ATP8A1: variants seen among roughly 807,000 people sequenced by gnomAD.
The protein encoded by ATP8A1 is phospholipid-transporting ATPase IA.
A neutral mutation model predicts 177.7 loss-of-function variants in ATP8A1; 90 were observed. The ratio of observed to expected loss-of-function variants is 0.51; its 90% CI spans 0.43 to 0.60. The LOEUF (loss-of-function observed/expected upper bound fraction) is 0.60. Among genes scored for constraint, ATP8A1 ranks in the 20% least tolerant of loss-of-function variants. ATP8A1 has a pLI of 0.00. For missense variants in ATP8A1, 1,072 were observed against 1,392.8 expected (o/e 0.77, Z 3.67); for synonymous variants, 493 against 485.9 (o/e 1.01, Z -0.19).
chr4:42,500,543 A>G (rs2153192775), intron 24 of ATP8A1, among the ~76,000 whole-genome samples: 1 of 152,242 alleles, frequency 6.6e-6, no homozygotes, highest in South Asian at 2.1e-4. Context: ...TCAACTTTAC[A>G]TGATTCTTAA....
intron 24 of ATP8A1, among the ~76,000 whole-genome samples, chr4:42,498,576 G>A (rs1031757704): frequency 6.6e-6 from 1 of 152,100 alleles, no homozygotes; most frequent in African/African-American, 2.4e-5. Context: ...CAGCTGGTTT[G>A]GGGTCATATT....
Position 42,643,260 on chromosome 4 carries a change from A to T in ATP8A1, c.49+13565T>A, listed in dbSNP as rs548608383. On this transcript the variant is annotated intron_variant, in intron 1 of 36. Coordinates refer to ENST00000381668, the MANE Select transcript of ATP8A1 (RefSeq NM_006095.2). ...TTCTAAAGAATATTCAGAGAAAAGA[A>T]GATGAGGGAAACAGAAGATGGAAAT... Among the ~76,000 whole-genome samples the T allele has an allele frequency of 3.1e-4, 48 of 152,382 alleles. 2 individuals are homozygous for T. In the South Asian group the frequency reaches 9.9e-3, roughly 32 times the overall value.
intron 7 of ATP8A1, among the ~76,000 whole-genome samples, chr4:42,589,636 T>A (rs1005700791): frequency 1.3e-5 from 2 of 152,218 alleles, no homozygotes; most frequent in Non-Finnish European, 2.9e-5. Flanking sequence ...TTTCACTCTA[T>A]AACTTATTCA....
chr4:42,549,534 A>G (rs996028156), intron 18 of ATP8A1, among the ~76,000 whole-genome samples: 4 of 152,150 alleles, frequency 2.6e-5, no homozygotes, highest in Non-Finnish European at 5.9e-5. Context: ...CATGCCTGTA[A>G]TCCCAGTGCT....
chr4:42,445,402 AT>A (rs969757053), intron 31 of ATP8A1, among the ~76,000 whole-genome samples: 10 of 151,076 alleles, frequency 6.6e-5, no homozygotes, highest in East Asian at 3.9e-4. Context: ...TCTTACAGAG[AT>A]TTTTTTTTTC....
chr4:42,466,470 T>C (rs1011347420), intron 25 of ATP8A1, among the ~76,000 whole-genome samples: 6 of 152,366 alleles, frequency 3.9e-5, no homozygotes, highest in Non-Finnish European at 8.8e-5. Flanking sequence ...ACTGCCCTTA[T>C]GAACTGCTTC....
rs369420258 is a variant in ATP8A1 at position 42,610,582 on chromosome 4, C to CAAA, written c.409+5448_409+5450dup. On this transcript the variant is annotated intron_variant, in intron 5 of 36. Transcript: ENST00000381668. Reference sequence around the variant, plus strand: ...TCAATGGGTTTTGCTCCTTTGTGTGCAAAAAAAAAAAAAAAAGTGAAAGAC... The same window carrying CAAA: ...TCAATGGGTTTTGCTCCTTTGTGTGCAAAAAAAAAAAAAAAAAAAGTGAAAGAC... 6.3e-5 allele frequency among the ~76,000 whole-genome samples: 8 copies of CAAA among 127,714 alleles called. No homozygotes were observed. In the South Asian group the frequency reaches 7.1e-4, roughly 11 times the overall value. The allele number at this position is 127,714 out of a possible 152,430, so 83.8% of individuals were successfully genotyped here.
chr4:42,649,495 T>C (rs2109578614), intron 1 of ATP8A1, among the ~76,000 whole-genome samples: 1 of 152,330 alleles, frequency 6.6e-6, no homozygotes, highest in Admixed American at 6.5e-5. Flanking sequence ...AATGTGATTA[T>C]ATTTGGATGG....
intron 15 of ATP8A1, among the ~76,000 whole-genome samples, chr4:42,566,021 GCTA>G (rs1731306057): frequency 6.6e-6 from 1 of 152,116 alleles, no homozygotes; most frequent in South Asian, 2.1e-4. Flanking sequence ...GCAGTAGGTA[GCTA>G]CTGGTTGGGA....
chr4:42,649,912 A>C (rs1740917390), intron 1 of ATP8A1, among the ~76,000 whole-genome samples: 1 of 152,182 alleles, frequency 6.6e-6, no homozygotes, highest in Non-Finnish European at 1.5e-5. Context: ...CAGTGGACAA[A>C]CCAGACAAAA....
In ATP8A1 at chr4:42,581,578, C is replaced by T. The variant is rs1172330947; in HGVS notation, c.834+43G>A. 7 of 1,421,128 alleles carry T rather than the reference C, an allele frequency of 4.9e-6. No individual in the cohort carries two copies. In the Admixed American group the frequency reaches 1.2e-4, roughly 24 times the overall value. 88.0% of individuals were successfully genotyped at this position (1,421,128 alleles called of 1,614,324 possible). On this transcript the variant is annotated intron_variant, in intron 10 of 36. Transcript: ENST00000381668. ...CTGAGATCTGTAAATCATACACTCA[C>T]AAAAGCCTTAGGTCCAAAAGGTTTC...
At chr4:42,549,507 T>G (rs1258463957) in intron 18 of ATP8A1, among the ~76,000 whole-genome samples, 1 of 152,028 alleles carries the variant, frequency 6.6e-6, no homozygotes, top group African/African-American at 2.4e-5. Flanking sequence ...ATGGAAAAAG[T>G]GGCCAGGTCT....
chr4:42,551,188 AC>A lies in ATP8A1; in HGVS notation c.1602+9del. 1 of 1,607,030 alleles carries A rather than the reference AC, an allele frequency of 6.2e-7. No individual in the cohort carries two copies. The highest frequency in any genetic ancestry group is 8.5e-7 in the Non-Finnish European group (1 of 1,173,704). On this transcript the variant is annotated intron_variant, in intron 18 of 36. Coordinates refer to ENST00000381668, the MANE Select transcript of ATP8A1 (RefSeq NM_006095.2). ...TGGATTAAAAAGAACCTTAAAAACAACTAACTTACTGAATCTATAATCACCG... is the reference window on the plus strand; with the variant it reads ...TGGATTAAAAAGAACCTTAAAAACAATAACTTACTGAATCTATAATCACCG...
intron 24 of ATP8A1, among the ~76,000 whole-genome samples, chr4:42,502,805 T>C (rs1723986809): frequency 1.3e-5 from 2 of 152,246 alleles, no homozygotes; most frequent in African/African-American, 4.8e-5. Flanking sequence ...TATAATCACC[T>C]CTACGGCTCT....
At chr4:42,614,502 C>T (rs1736706335) in intron 5 of ATP8A1, among the ~76,000 whole-genome samples, 1 of 152,210 alleles carries the variant, frequency 6.6e-6, no homozygotes, top group Non-Finnish European at 1.5e-5. Flanking sequence ...TTTGTCCCTT[C>T]ACAACTAAAC....
At chr4:42,563,585 A>C (rs1009829236) in intron 15 of ATP8A1, among the ~76,000 whole-genome samples, 1 of 152,214 alleles carries the variant, frequency 6.6e-6, no homozygotes, top group South Asian at 2.1e-4. Flanking sequence ...AGAGGTCTTC[A>C]TGGCAGCCCC....
At chr4:42,598,534 A>G (rs1381119624) in intron 6 of ATP8A1, among the ~76,000 whole-genome samples, 24 of 152,186 alleles carry the variant, frequency 1.6e-4, no homozygotes, top group Admixed American at 1.5e-3. Flanking sequence ...TGAAAAATTT[A>G]GTCAATTCTT....
chr4:42,503,963 C>T (rs1190082465), intron 23 of ATP8A1, among the ~76,000 whole-genome samples: 3 of 152,188 alleles, frequency 2.0e-5, no homozygotes, highest in African/African-American at 7.2e-5. Flanking sequence ...TCAGTACATC[C>T]TCTACCTTCC....
chr4:42,607,997 GT>G (rs1577691965), intron 5 of ATP8A1, among the ~76,000 whole-genome samples: 1 of 152,148 alleles, frequency 6.6e-6, no homozygotes, highest in Non-Finnish European at 1.5e-5. Flanking sequence ...ACCTGTTATA[GT>G]TTTCTAACAG....
Sources: allele counts gnomAD v4.1 joint callset (sites outside exome capture counted in the v4.1 genomes callset), GRCh38; gene constraint gnomAD v4.1.1; transcripts MANE v1.5; gene names NCBI Gene and HGNC (gene_info 2026-07-23, HGNC 2026-07-21).